KCNG4: variants seen among roughly 807,000 people sequenced by gnomAD.
The protein encoded by KCNG4 is potassium voltage-gated channel modifier subfamily G member 4.
Under a neutral mutation model 28.2 loss-of-function variants are expected in KCNG4, and 30 were observed. The ratio of observed to expected loss-of-function variants is 1.06; its 90% CI spans 0.80 to 1.44. The LOEUF (loss-of-function observed/expected upper bound fraction) is 1.44, where lower values mean the gene tolerates loss of function less well. Ranked by LOEUF, KCNG4 falls within the 40% of genes most tolerant of loss-of-function variation. The pLI, the probability that KCNG4 is intolerant of heterozygous loss-of-function variation, is 0.00. For missense variants in KCNG4, 879 were observed against 712.3 expected (o/e 1.23, Z -2.66); for synonymous variants, 375 against 315.5 (o/e 1.19, Z -2.00).
chr16:84,229,813 G>A (rs1904784142), intron 2 of KCNG4, among the ~76,000 whole-genome samples: 1 of 152,182 alleles, frequency 6.6e-6, no homozygotes, highest in Admixed American at 6.5e-5. Flanking sequence ...TTCTTGGCTG[G>A]GACATAGGGA....
intron 2 of KCNG4, among the ~76,000 whole-genome samples, chr16:84,229,543 C>T (rs1597618409): frequency 6.6e-6 from 1 of 152,246 alleles, no homozygotes; most frequent in East Asian, 1.9e-4. Context: ...GCCGCCATCC[C>T]ATCGCCTCTG....
Position 84,222,138 on chromosome 16 carries a change from G to T in KCNG4, c.*79C>A. The T allele has an allele frequency of 7.1e-7, 1 of 1,417,690 alleles. No individual in the cohort carries two copies. Among genetic ancestry groups the T allele is most frequent in the Non-Finnish European group, 9.8e-7 (1 of 1,018,132 alleles). 87.8% of individuals were successfully genotyped at this position (1,417,690 alleles called of 1,614,324 possible). ...TGGGCTCTAGAAACACCACCAGGTG[G>T]TCTATGCGGGGTACCCTTGAGTGTG... On this transcript the variant is annotated 3_prime_UTR_variant, in exon 3 of 3. Transcript: ENST00000308251.
chr16:84,238,562 G>A (rs188369687), intron 1 of KCNG4, among the ~76,000 whole-genome samples: 48 of 152,278 alleles, frequency 3.2e-4, no homozygotes, highest in Middle Eastern at 6.8e-3. Flanking sequence ...CTCTGGGCCC[G>A]CAGGCTTTTA....
intron 2 of KCNG4, among the ~76,000 whole-genome samples, chr16:84,227,563 C>G (rs1904725844): frequency 6.6e-6 from 1 of 152,044 alleles, no homozygotes; most frequent in Admixed American, 6.6e-5. Context: ...GGCGACAGAG[C>G]TAGAATCTGT....
At chr16:84,229,719 T>G in intron 2 of KCNG4, among the ~76,000 whole-genome samples, 1 of 150,286 alleles carries the variant, frequency 6.7e-6, no homozygotes, top group East Asian at 2.0e-4. Flanking sequence ...CCTGCAGAGG[T>G]GGGGGGACTG....
rs761572996 is a variant in KCNG4 at position 84,236,791 on chromosome 16, G to C, written c.695C>G (p.Ala232Gly). Residue 232 changes from alanine (A) to glycine (G), a missense_variant, in exon 2 of 3, where the codon GCC (alanine) becomes GGC (glycine). Physicochemically the swap from Ala to Gly is moderately conservative, Grantham distance 60 (BLOSUM62 0). Coordinates refer to ENST00000308251, the MANE Select transcript of KCNG4 (RefSeq NM_172347.3). Reference sequence around the variant, plus strand: ...GACACACAGGCTGACGGCTGTGGTGGCCACGAAGAGGATGGAGAGGCAAGC... The same window carrying C: ...GACACACAGGCTGACGGCTGTGGTGCCCACGAAGAGGATGGAGAGGCAAGC... ...VFACLSILFVATTAVSLCVST... is the reference protein window; with the variant it reads ...VFACLSILFVGTTAVSLCVST... 5.0e-6 allele frequency: 8 copies of C among 1,613,746 alleles called. No homozygotes were observed. The highest frequency in any genetic ancestry group is 4.4e-5 in the South Asian group (4 of 91,082).
chr16:84,229,220 C>A (rs1220270563), intron 2 of KCNG4, among the ~76,000 whole-genome samples: 1 of 151,834 alleles, frequency 6.6e-6, no homozygotes, highest in South Asian at 2.1e-4. Context: ...ATCACTTGAA[C>A]CCAGGAGGTT....
In KCNG4 at chr16:84,226,418, A is replaced by C. The variant is rs933568107; in HGVS notation, c.757-3398T>G. ...GGGGTCACAGAAATATTCTATACTC[A>C]CAGGGGAGAGGCTGACACGGGTGCA... On this transcript the variant is annotated intron_variant, in intron 2 of 2. Coordinates refer to ENST00000308251, the MANE Select transcript of KCNG4 (RefSeq NM_172347.3). The surrounding 1 kb of genome is among the most constrained non-coding windows in gnomAD (Gnocchi z 4.1). Among the ~76,000 whole-genome samples the C allele has an allele frequency of 2.0e-5, 3 of 152,154 alleles. No homozygotes were observed. Among genetic ancestry groups the C allele is most frequent in the Non-Finnish European group, 4.4e-5 (3 of 68,008 alleles).
At position 84,233,152 on chromosome 16, in the gene KCNG4, T is replaced by C. The variant is rs1181885740; in HGVS notation, c.756+3578A>G. ...GTGTTTCGGCCTGTCCCAGCTGCTT[T>C]ATGCACCACATGACCCCTTGAGGGA... On this transcript the variant is annotated intron_variant, in intron 2 of 2. Transcript: ENST00000308251. Among the ~76,000 whole-genome samples the C allele has an allele frequency of 2.6e-5, 4 of 152,310 alleles. No homozygotes were observed. In the Middle Eastern group the frequency reaches 0.01, roughly 389 times the overall value.
In KCNG4 at chr16:84,237,248, A is replaced by T. The variant is rs1462820203; in HGVS notation, c.238T>A (p.Phe80Ile). ...YLLPWSTLDR[F>I]PLSRLSKLRL... ...AGTTTGCTCAGGCGGCTCAGCGGGA[A>T]CCGGTCCAGTGTGCTCCAGGGGAGG... is the stretch of plus-strand genomic sequence containing the variant. Residue 80 changes from phenylalanine (F) to isoleucine (I), a missense_variant, in exon 2 of 3, where the codon TTC (phenylalanine) becomes ATC (isoleucine). Coordinates refer to ENST00000308251, the MANE Select transcript of KCNG4 (RefSeq NM_172347.3). 1 of 1,613,834 alleles carries T rather than the reference A, an allele frequency of 6.2e-7. No individual in the cohort carries two copies. Among genetic ancestry groups the T allele is most frequent in the African/African-American group, 1.3e-5 (1 of 74,904 alleles).
At position 84,237,043 on chromosome 16, in the gene KCNG4, G is replaced by A. The variant is rs757149778; in HGVS notation, c.443C>T (p.Ala148Val). Residue 148 changes from alanine to valine, a missense_variant, in exon 2 of 3, where the codon GCC (alanine) becomes GTC (valine). Coordinates refer to ENST00000308251, the MANE Select transcript of KCNG4 (RefSeq NM_172347.3). ...MCALSFQEEL[A>V]YWGIEEAHLE... Reference sequence around the variant, plus strand: ...GTGGGCCTCCTCGATGCCCCAGTAGGCCAGCTCCTCCTGGAAGGACAGCGC... The same window carrying A: ...GTGGGCCTCCTCGATGCCCCAGTAGACCAGCTCCTCCTGGAAGGACAGCGC... The A allele has an allele frequency of 6.2e-7, 1 of 1,614,068 alleles. No individual in the cohort carries two copies. Among genetic ancestry groups the A allele is most frequent in the Non-Finnish European group, 8.5e-7 (1 of 1,180,012 alleles).
At chr16:84,223,856 C>T (rs556251891) in intron 2 of KCNG4, among the ~76,000 whole-genome samples, 2 of 152,162 alleles carry the variant, frequency 1.3e-5, no homozygotes, top group African/African-American at 2.4e-5. Context: ...AAACAGATAT[C>T]GTTTCTGATG....
In KCNG4 at chr16:84,220,260, C is replaced by G. The variant is rs1904526568; in HGVS notation, c.*1957G>C. 2 of 152,148 alleles carry G rather than the reference C, an allele frequency of 1.3e-5. No homozygotes were observed. The highest frequency in any genetic ancestry group is 4.1e-4 in the South Asian group (2 of 4,826). The allele number at this position is 152,148 out of a possible 1,614,324, so 9.4% of individuals were successfully genotyped here. ...AGGGGCTTTCCTTGTGTCATGGCCA[C>G]TGAACCACTATGTCACCTGGTGACA... On this transcript the variant is annotated 3_prime_UTR_variant, in exon 3 of 3. Coordinates refer to ENST00000308251, the MANE Select transcript of KCNG4 (RefSeq NM_172347.3).
chr16:84,229,684 G>A (rs975926659), intron 2 of KCNG4, among the ~76,000 whole-genome samples: 1 of 152,226 alleles, frequency 6.6e-6, no homozygotes, highest in Non-Finnish European at 1.5e-5. Context: ...TCTGCATGGG[G>A]CATTTGCGGG....
intron 2 of KCNG4, among the ~76,000 whole-genome samples, chr16:84,224,703 A>G (rs1904658108): frequency 6.6e-6 from 1 of 152,152 alleles, no homozygotes. Flanking sequence ...TGTGTGGACT[A>G]TTGCAGGGGT....
At chr16:84,224,230 G>A (rs1904644901) in intron 2 of KCNG4, among the ~76,000 whole-genome samples, 1 of 152,122 alleles carries the variant, frequency 6.6e-6, no homozygotes, top group African/African-American at 2.4e-5. Flanking sequence ...TCTCAAGCTT[G>A]GCTGCATGTT....
Position 84,222,685 on chromosome 16 carries a change from C to T in KCNG4, c.1092G>A (p.Val364=). The change falls in exon 3 of 3, where the codon GTG becomes GTA. Residue 364 remains valine (V), a synonymous_variant. Transcript: ENST00000308251. ...SLGLQTLGLT[V]RRCTREFGLL... is the part of the protein sequence containing the mutation. Reference sequence around the variant, plus strand: ...GGCCGAACTCACGTGTGCAACGGCGCACGGTGAGCCCCAGCGTCTGCAGCC... The same window carrying T: ...GGCCGAACTCACGTGTGCAACGGCGTACGGTGAGCCCCAGCGTCTGCAGCC... 2 of 1,613,106 alleles carry T rather than the reference C, an allele frequency of 1.2e-6. No individual in the cohort carries two copies. Among genetic ancestry groups the T allele is most frequent in the Middle Eastern group, 1.6e-4 (1 of 6,062 alleles).
At chr16:84,231,638 C>T (rs1340686979) in intron 2 of KCNG4, among the ~76,000 whole-genome samples, 1 of 152,034 alleles carries the variant, frequency 6.6e-6, no homozygotes, top group African/African-American at 2.4e-5. Flanking sequence ...CAAGTCCAGA[C>T]CATCATTTTA....
chr16:84,237,508 A>C lies in KCNG4; in HGVS notation c.-23T>G. 2.7e-6 allele frequency: 4 copies of C among 1,472,134 alleles called. No individual in the cohort carries two copies. The highest frequency in any genetic ancestry group is 3.6e-6 in the Non-Finnish European group (4 of 1,112,538). 91.2% of individuals were successfully genotyped at this position (1,472,134 alleles called of 1,614,324 possible). A position where few individuals can be genotyped will look rare whatever the true frequency, so the allele number is the denominator to read the frequency against. ...CATTGCTGAAGACCACCAGGTAGGA[A>C]GCGCTGGGTTTACCAGTCTGACACC... On this transcript the variant is annotated 5_prime_UTR_variant, in exon 2 of 3. Transcript: ENST00000308251.
Sources: gnomAD v4.1 joint callset for allele counts (sites outside exome capture counted in the v4.1 genomes callset) on GRCh38, gnomAD v4.1.1 for gene constraint, Gnocchi (gnomAD v3.1) non-coding constraint, MANE v1.5 for transcripts, NCBI Gene and HGNC (gene_info 2026-07-23, HGNC 2026-07-21) for gene names.